KHDRBS2: variants seen among roughly 807,000 people sequenced by gnomAD.
KHDRBS2 encodes KH RNA binding domain containing, signal transduction associated 2.
A neutral mutation model predicts 44.3 loss-of-function variants in KHDRBS2; 26 were observed. The ratio of observed to expected loss-of-function variants is 0.59; its 90% CI spans 0.43 to 0.81. The LOEUF is 0.81. Among genes scored for constraint, KHDRBS2 ranks in the 40% least tolerant of loss-of-function variants. KHDRBS2 has a pLI of 0.00. For missense variants in KHDRBS2, 476 were observed against 433.1 expected, an observed-to-expected ratio of 1.10 and a Z score of -0.88; for synonymous variants, 194 against 151.1, an observed-to-expected ratio of 1.28 and a Z score of -2.08.
chr6:62,118,003 T>C (rs956231205), intron 2 of KHDRBS2, among the ~76,000 whole-genome samples: 2 of 152,182 alleles, frequency 1.3e-5, no homozygotes, highest in Non-Finnish European at 2.9e-5. Flanking sequence ...CTTGAACTCC[T>C]TACCACAAGT....
At chr6:61,547,098 G>A in the KHDRBS2 span, among the ~76,000 whole-genome samples, 2 of 150,770 alleles carry the variant, frequency 1.3e-5, no homozygotes, top group Non-Finnish European at 3.0e-5. Flanking sequence ...GGATGTGGGA[G>A]GAAACCAGAG....
Position 61,978,378 on chromosome 6 carries a change from T to A in KHDRBS2, c.337-166A>T, listed in dbSNP as rs550640637. The stretch of plus-strand genomic sequence containing the variant: ...AGAAATAAAAATCTGCTACAAGCCA[T>A]TTAAAGATTTTAAAATCATTTTTGA... On this transcript the variant is annotated intron_variant, in intron 3 of 8. Coordinates refer to ENST00000281156, the MANE Select transcript of KHDRBS2 (RefSeq NM_152688.4). 1.9e-3 allele frequency among the ~76,000 whole-genome samples: 295 copies of A among 152,226 alleles called. 1 individual carries two copies. Among genetic ancestry groups the A allele is most frequent in the African/African-American group, 6.8e-3 (284 of 41,570 alleles).
At chr6:61,578,548 T>C in the KHDRBS2 span, among the ~76,000 whole-genome samples, 1 of 152,202 alleles carries the variant, frequency 6.6e-6, no homozygotes, top group African/African-American at 2.4e-5. Flanking sequence ...CCTCGTATTT[T>C]ACAGTTCATC....
intron 2 of KHDRBS2, among the ~76,000 whole-genome samples, chr6:62,145,858 T>C (rs1414946636): frequency 6.6e-6 from 1 of 151,904 alleles, no homozygotes; most frequent in Admixed American, 6.6e-5. Flanking sequence ...CATAAAATTA[T>C]CTAAAATATT....
intron 4 of KHDRBS2, among the ~76,000 whole-genome samples, chr6:61,927,990 C>G (rs1289771256): frequency 6.6e-6 from 1 of 152,084 alleles, no homozygotes; most frequent in Non-Finnish European, 1.5e-5. Context: ...ATCTTGGATA[C>G]TGCTTACACA....
chr6:61,558,154 TTTC>T, the KHDRBS2 span, among the ~76,000 whole-genome samples: 4 of 152,318 alleles, frequency 2.6e-5, no homozygotes, highest in East Asian at 7.7e-4. Flanking sequence ...TATTATTTAT[TTTC>T]TTCTTCTGTT....
At chr6:62,157,114 G>A (rs1271794288) in intron 2 of KHDRBS2, among the ~76,000 whole-genome samples, 2 of 151,570 alleles carry the variant, frequency 1.3e-5, no homozygotes, top group East Asian at 2.0e-4. Flanking sequence ...CCGACACTTT[G>A]GGAGGCCAAG....
At chr6:61,882,006 T>G (rs769948896) in intron 6 of KHDRBS2, among the ~76,000 whole-genome samples, 2 of 152,052 alleles carry the variant, frequency 1.3e-5, no homozygotes, top group Non-Finnish European at 2.9e-5. Flanking sequence ...CATCAGCTTT[T>G]ATTTTCAAAT....
chr6:62,193,313 T>C (rs1299375537), intron 1 of KHDRBS2, among the ~76,000 whole-genome samples: 4 of 152,078 alleles, frequency 2.6e-5, no homozygotes, highest in African/African-American at 9.7e-5. Flanking sequence ...TTTTGTAAAC[T>C]GATTCTGTGC....
intron 2 of KHDRBS2, among the ~76,000 whole-genome samples, chr6:62,085,789 A>T (rs1369853685): frequency 6.6e-6 from 1 of 152,172 alleles, no homozygotes; most frequent in East Asian, 1.9e-4. Flanking sequence ...GCAGAATCAT[A>T]GAATGTTGTT....
the KHDRBS2 span, among the ~76,000 whole-genome samples, chr6:61,647,713 T>C: frequency 6.6e-6 from 1 of 152,170 alleles, no homozygotes; most frequent in Non-Finnish European, 1.5e-5. Flanking sequence ...TAGAGGATAT[T>C]GTATCATCAT....
chr6:61,921,645 A>G (rs1481337568), intron 4 of KHDRBS2, among the ~76,000 whole-genome samples: 2 of 152,024 alleles, frequency 1.3e-5, no homozygotes, highest in African/African-American at 4.8e-5. Flanking sequence ...CCATTGCTCC[A>G]AACCAATGAG....
At chr6:62,102,907 A>G (rs1444200588) in intron 2 of KHDRBS2, among the ~76,000 whole-genome samples, 2 of 152,286 alleles carry the variant, frequency 1.3e-5, no homozygotes, top group Admixed American at 1.3e-4. Flanking sequence ...ATGAGGTTAC[A>G]TGGACAACTG....
chr6:62,198,288 GA>G (rs1163974089), intron 1 of KHDRBS2, among the ~76,000 whole-genome samples: 1 of 152,086 alleles, frequency 6.6e-6, no homozygotes, highest in African/African-American at 2.4e-5. Flanking sequence ...AAAAATCAAT[GA>G]ATCCAAGAGT....
intron 6 of KHDRBS2, among the ~76,000 whole-genome samples, chr6:61,865,708 C>T (rs1181888540): frequency 6.6e-6 from 1 of 152,188 alleles, no homozygotes; most frequent in Admixed American, 6.5e-5. Flanking sequence ...TTCATTTCAG[C>T]ATTAACTCAA....
intron 4 of KHDRBS2, among the ~76,000 whole-genome samples, chr6:61,950,196 G>T (rs377539001): frequency 3.3e-5 from 5 of 152,104 alleles, no homozygotes; most frequent in East Asian, 3.9e-4. Flanking sequence ...CTATTTTGTT[G>T]CATCTTAATT....
intron 2 of KHDRBS2, among the ~76,000 whole-genome samples, chr6:62,061,873 C>A (rs1249750620): frequency 2.7e-5 from 4 of 150,808 alleles, no homozygotes; most frequent in Non-Finnish European, 1.5e-5. Context: ...TTGCTCATTT[C>A]TTTTTATTCT....
At chr6:62,075,598 T>A (rs1470035094) in intron 2 of KHDRBS2, among the ~76,000 whole-genome samples, 1 of 151,938 alleles carries the variant, frequency 6.6e-6, no homozygotes, top group East Asian at 1.9e-4. Context: ...AAGTTACTTA[T>A]TTTCCCATTC....
At chr6:61,863,897 C>T (rs1797392375) in intron 6 of KHDRBS2, among the ~76,000 whole-genome samples, 1 of 152,028 alleles carries the variant, frequency 6.6e-6, no homozygotes, top group Non-Finnish European at 1.5e-5. Context: ...AAGTCTCCAA[C>T]TATTATTGTG....
Sources: gnomAD v4.1 joint callset for allele counts (sites outside exome capture counted in the v4.1 genomes callset) on GRCh38, gnomAD v4.1.1 for gene constraint, MANE v1.5 for transcripts, NCBI Gene and HGNC (gene_info 2026-07-23, HGNC 2026-07-21) for gene names.